Variants in GFRAL observed in about 807,000 individuals in gnomAD.
The protein encoded by GFRAL is GDNF family receptor alpha-like.
In GFRAL, 36 loss-of-function variants were observed where a neutral mutation model predicts 45.4. The observed-to-expected ratio is 0.79, with a 90% CI of 0.61 to 1.05. The LOEUF is 1.05. Among genes scored for constraint, GFRAL ranks in the 50% least tolerant of loss-of-function variants. The probability of loss-of-function intolerance (pLI) is 0.00; values close to 1 mark genes in which losing one functional copy is unlikely to be tolerated. For missense variants in GFRAL, 507 were observed against 467.5 expected, an observed-to-expected ratio of 1.08 and a Z score of -0.78; for synonymous variants, 166 against 154.1, an observed-to-expected ratio of 1.08 and a Z score of -0.57.
chr6:55,359,175 T>TATCC, intron 6 of GFRAL, 37 bp downstream of exon 6: 1 of 1,542,714 alleles, frequency 6.5e-7, no homozygotes, highest in Non-Finnish European at 8.9e-7. Context: ...TCTATCTATC[T>TATCC]ATCTATCTAT....
At chr6:55,387,396 C>T (rs749551665) in intron 6 of GFRAL, among the ~76,000 whole-genome samples, 6 of 152,138 alleles carry the variant, frequency 3.9e-5, no homozygotes, top group Non-Finnish European at 7.3e-5. Context: ...TTCTTTGCAT[C>T]GTGATTGTGT....
intron 3 of GFRAL, among the ~76,000 whole-genome samples, chr6:55,345,076 T>C (rs933969409): frequency 6.6e-6 from 1 of 152,198 alleles, no homozygotes; most frequent in African/African-American, 2.4e-5. Context: ...TCCATGTTCA[T>C]GGATAGGAAG....
intron 5 of GFRAL, among the ~76,000 whole-genome samples, chr6:55,351,977 C>T (rs75621613): frequency 0.037 from 5,623 of 152,002 alleles, 139 homozygotes; most frequent in African/African-American, 0.062. Flanking sequence ...ACTCTTCAAA[C>T]TTTGAAATAA....
At position 55,345,807 on chromosome 6, in the gene GFRAL, G is replaced by A. The variant is rs1768033709; in HGVS notation, c.317-4285G>A. 1.3e-5 allele frequency among the ~76,000 whole-genome samples: 2 copies of A among 151,916 alleles called. 1 individual carries two copies. The highest frequency in any genetic ancestry group is 4.2e-4 in the South Asian group (2 of 4,802). On this transcript the variant is annotated intron_variant, in intron 3 of 8. Coordinates refer to ENST00000340465, the MANE Select transcript of GFRAL (RefSeq NM_207410.2). ...TGCAATCTACCCATCTGACAAAGGG[G>A]TACTACCCAGAATCTACAAAGAACT...
At chr6:55,334,560 A>AT in intron 3 of GFRAL, among the ~76,000 whole-genome samples, 1 of 152,322 alleles carries the variant, frequency 6.6e-6, no homozygotes, top group East Asian at 1.9e-4. Context: ...ATGTCCCTAT[A>AT]TACTCCGAAA....
intron 6 of GFRAL, among the ~76,000 whole-genome samples, chr6:55,382,953 T>C (rs936309188): frequency 1.3e-5 from 2 of 151,980 alleles, no homozygotes; most frequent in Non-Finnish European, 2.9e-5. Flanking sequence ...ATCAATACTT[T>C]TTGAATAATT....
rs540056784 is a variant in GFRAL at position 55,367,532 on chromosome 6, A to G, written c.952+8394A>G. 2.3e-3 allele frequency among the ~76,000 whole-genome samples: 341 copies of G among 147,866 alleles called. 1 individual carries two copies. The highest frequency in any genetic ancestry group is 3.5e-3 in the Non-Finnish European group (238 of 67,054). On this transcript the variant is annotated intron_variant, in intron 6 of 8. Transcript: ENST00000340465. ...TCGTTAGTTGATGCAGTTTCTTCCT[A>G]GTCTCGATGGTCTTTACATTTTGGC...
At chr6:55,385,786 G>C (rs1286421072) in intron 6 of GFRAL, among the ~76,000 whole-genome samples, 2 of 152,108 alleles carry the variant, frequency 1.3e-5, no homozygotes, top group Non-Finnish European at 2.9e-5. Context: ...AAGAGCCTAA[G>C]AAGCCAGTTC....
At chr6:55,389,542 A>G (rs1026962894) in intron 6 of GFRAL, among the ~76,000 whole-genome samples, 1 of 150,876 alleles carries the variant, frequency 6.6e-6, no homozygotes, top group Non-Finnish European at 1.5e-5. Flanking sequence ...GCCTCATTTA[A>G]TCCTCACAAA....
intron 3 of GFRAL, among the ~76,000 whole-genome samples, chr6:55,347,120 G>C (rs1402518377): frequency 2.0e-5 from 3 of 152,046 alleles, no homozygotes; most frequent in African/African-American, 4.8e-5. Context: ...ACAAGAAACT[G>C]TTCCTTTATC....
At chr6:55,385,157 T>G (rs1045991120) in intron 6 of GFRAL, among the ~76,000 whole-genome samples, 2 of 152,146 alleles carry the variant, frequency 1.3e-5, no homozygotes, top group Non-Finnish European at 2.9e-5. Context: ...ATTACATTAA[T>G]ATTAATAGTA....
At chr6:55,346,754 C>A (rs1768047362) in intron 3 of GFRAL, among the ~76,000 whole-genome samples, 1 of 147,444 alleles carries the variant, frequency 6.8e-6, no homozygotes, top group Non-Finnish European at 1.5e-5. Context: ...AATTTCAAGA[C>A]ACTGAAATAA....
chr6:55,339,707 G>T (rs1353181281), intron 3 of GFRAL, among the ~76,000 whole-genome samples: 14 of 152,170 alleles, frequency 9.2e-5, no homozygotes, highest in African/African-American at 3.4e-4. Context: ...CTACTTAGTA[G>T]ATATTACTAG....
rs1562052996 is a variant in GFRAL, at chr6:55,351,390, GC to G, written c.510del (p.Ile171TyrfsTer42). 1 of 1,613,716 alleles carries G rather than the reference GC, an allele frequency of 6.2e-7. No homozygotes were observed. Among genetic ancestry groups the G allele is most frequent in the Non-Finnish European group, 8.5e-7 (1 of 1,179,764 alleles). On this transcript the variant is annotated frameshift_variant, in exon 5 of 9. Coordinates refer to ENST00000340465, the MANE Select transcript of GFRAL (RefSeq NM_207410.2). LOFTEE classifies it high-confidence loss of function. ...NPCDLKQCQA[A>X]IRFFYQNIPF... is the part of the protein sequence containing the mutation. The stretch of plus-strand genomic sequence containing the variant: ...GTGTGATCTGAAACAGTGCCAAGCA[GC>G]CATACGGTTCTTCTATCAAAATATA...
At chr6:55,365,201 A>G (rs1768343285) in intron 6 of GFRAL, among the ~76,000 whole-genome samples, 1 of 147,488 alleles carries the variant, frequency 6.8e-6, no homozygotes, top group African/African-American at 2.6e-5. Context: ...CTTTGAAGCA[A>G]TTGTGAATGG....
intron 3 of GFRAL, among the ~76,000 whole-genome samples, chr6:55,346,891 G>T (rs977502077): frequency 4.1e-5 from 5 of 122,816 alleles, no homozygotes; most frequent in African/African-American, 1.6e-4. Flanking sequence ...ATCACCAAAA[G>T]AAATTGAACA....
chr6:55,341,253 C>A (rs531842280), intron 3 of GFRAL, among the ~76,000 whole-genome samples: 2 of 152,320 alleles, frequency 1.3e-5, no homozygotes, highest in South Asian at 2.1e-4. Context: ...CCCCAAGTAG[C>A]CTAACTGGGA....
chr6:55,345,713 GA>G (rs1388863042), intron 3 of GFRAL, among the ~76,000 whole-genome samples: 1 of 152,086 alleles, frequency 6.6e-6, no homozygotes, highest in Non-Finnish European at 1.5e-5. Context: ...TTAAACTAAA[GA>G]GCTTCTGTAC....
intron 6 of GFRAL, among the ~76,000 whole-genome samples, chr6:55,381,946 A>G (rs1178138365): frequency 1.3e-5 from 2 of 151,922 alleles, no homozygotes; most frequent in African/African-American, 2.4e-5. Context: ...CAGGAGCTTT[A>G]TGTTAAGTTT....
Sources: gnomAD v4.1 joint callset for allele counts (sites outside exome capture counted in the v4.1 genomes callset) on GRCh38, gnomAD v4.1.1 for gene constraint, MANE v1.5 for transcripts, NCBI Gene and HGNC (gene_info 2026-07-23, HGNC 2026-07-21) for gene names.